AMER1: variants seen among roughly 807,000 people sequenced by gnomAD.
AMER1 encodes the protein APC membrane recruitment protein 1.
In AMER1, 16 loss-of-function variants were observed where a neutral mutation model predicts 53.0. That is an observed-to-expected ratio of 0.30 (90% CI 0.20 to 0.46). The LOEUF is 0.46. Among genes scored for constraint, AMER1 ranks in the 20% least tolerant of loss-of-function variants. The pLI is 1.00. For missense variants in AMER1, 947 were observed against 884.9 expected (o/e 1.07, Z -0.89); for synonymous variants, 354 against 331.9 (o/e 1.07, Z -0.73).
At chrX:64,204,818 G>T (rs1365709845) in intron 1 of AMER1, among the ~76,000 whole-genome samples, 6 of 113,530 alleles carry the variant, frequency 5.3e-5, no homozygotes, top group African/African-American at 1.9e-4. Context: ...TCTAACCCAA[G>T]GACCAGCAAG....
chrX:64,197,698 G>A (rs762183697), intron 1 of AMER1, among the ~76,000 whole-genome samples: 6 of 112,459 alleles, frequency 5.3e-5, no homozygotes, highest in African/African-American at 1.9e-4. Context: ...ATGTTGGGGA[G>A]GGTTGGTTAA....
At chrX:64,196,193 A>G (rs1930363831) in intron 1 of AMER1, among the ~76,000 whole-genome samples, 1 of 111,631 alleles carries the variant, frequency 9.0e-6, no homozygotes, top group African/African-American at 3.3e-5. Context: ...TGTGTTGTGG[A>G]AGGAGCCATG....
rs1485276533 is a variant in AMER1 at position 64,189,635 on chromosome X, G to A, written c.*244C>T. The A allele has an allele frequency of 3.3e-5, 32 of 972,270 alleles. No individual in the cohort carries two copies. The highest frequency in any genetic ancestry group is 4.0e-5 in the East Asian group (1 of 24,933). The allele number at this position is 972,270 out of a possible 1,213,427, so 80.1% of individuals were successfully genotyped here. The stretch of plus-strand genomic sequence containing the variant: ...AGCGTGGGTCACAAGAAGAAACCTC[G>A]AAAGCAAAAACTGGAGTGCAGTAGC... On this transcript the variant is annotated 3_prime_UTR_variant, in exon 2 of 2. Coordinates refer to ENST00000374869, the MANE Select transcript of AMER1 (RefSeq NM_152424.4).
rs879051904 is a variant in AMER1 at position 64,185,688 on chromosome X, G to T, written c.*4191C>A. ...AGCAGGGCAGGGGAGGGGGAATGGT[G>T]GTAGGGGAGGAGATTCCCCCAAAGC... is the stretch of plus-strand genomic sequence containing the variant. On this transcript the variant is annotated 3_prime_UTR_variant, in exon 2 of 2. Transcript: ENST00000374869. The T allele has an allele frequency of 2.3e-5, 4 of 176,931 alleles. No homozygotes were observed. Among genetic ancestry groups the T allele is most frequent in the African/African-American group, 1.2e-4 (4 of 33,397 alleles). The allele number at this position is 176,931 out of a possible 1,213,427, so 14.6% of individuals were successfully genotyped here.
Position 64,189,793 on chromosome X carries a change from A to AGGGGGGGGGGGGGGG in AMER1, c.*85_*86insCCCCCCCCCCCCCCC. 3.4e-6 allele frequency: 1 copy of AGGGGGGGGGGGGGGG among 292,074 alleles called. No individual in the cohort carries two copies. The highest frequency in any genetic ancestry group is 4.9e-6 in the Non-Finnish European group (1 of 204,832). The allele number at this position is 292,074 out of a possible 1,213,427, so 24.1% of individuals were successfully genotyped here. Reference sequence around the variant, plus strand: ...CAAAGGGTTTTCAAGTTAAACAACAACCCCCACCCCCCCACCCTTCTGCCC... The same window carrying AGGGGGGGGGGGGGGG: ...CAAAGGGTTTTCAAGTTAAACAACAAGGGGGGGGGGGGGGGCCCCCACCCCCCCACCCTTCTGCCC... On this transcript the variant is annotated 3_prime_UTR_variant, in exon 2 of 2. Transcript: ENST00000374869.
intron 1 of AMER1, among the ~76,000 whole-genome samples, chrX:64,203,719 G>A (rs1030090210): frequency 1.8e-5 from 2 of 111,564 alleles, no homozygotes; most frequent in Non-Finnish European, 3.8e-5. Flanking sequence ...ATTTGGACAG[G>A]TGTAGGCTGA....
chrX:64,201,001 G>C (rs1391504816), intron 1 of AMER1, among the ~76,000 whole-genome samples: 2 of 111,227 alleles, frequency 1.8e-5, no homozygotes, highest in Non-Finnish European at 3.8e-5. Flanking sequence ...GTATCCACTT[G>C]GAAGCCCAGC....
chrX:64,189,793 A>ACCGGGCCCC lies in AMER1; in HGVS notation c.*85_*86insGGGGCCCGG. On this transcript the variant is annotated 3_prime_UTR_variant, in exon 2 of 2. Coordinates refer to ENST00000374869, the MANE Select transcript of AMER1 (RefSeq NM_152424.4). Reference sequence around the variant, plus strand: ...CAAAGGGTTTTCAAGTTAAACAACAACCCCCACCCCCCCACCCTTCTGCCC... The same window carrying ACCGGGCCCC: ...CAAAGGGTTTTCAAGTTAAACAACAACCGGGCCCCCCCCCACCCCCCCACCCTTCTGCCC... 1.0e-5 allele frequency: 3 copies of ACCGGGCCCC among 292,072 alleles called. No individual in the cohort carries two copies. Among genetic ancestry groups the ACCGGGCCCC allele is most frequent in the Non-Finnish European group, 1.5e-5 (3 of 204,831 alleles). 24.1% of individuals were successfully genotyped at this position (292,072 alleles called of 1,213,427 possible).
Position 64,189,866 on chromosome X carries a change from G to T in AMER1, c.*13C>A. On this transcript the variant is annotated 3_prime_UTR_variant, in exon 2 of 2. Transcript: ENST00000374869. The stretch of plus-strand genomic sequence containing the variant: ...GCTCAGGCCCCGTGTCCCTACTCCA[G>T]AATTGATAATAACTACTTGGCTAGG... 1 of 1,002,964 alleles carries T rather than the reference G, an allele frequency of 1.0e-6. No homozygotes were observed. The highest frequency in any genetic ancestry group is 1.3e-6 in the Non-Finnish European group (1 of 774,278). The allele number at this position is 1,002,964 out of a possible 1,213,427, so 82.7% of individuals were successfully genotyped here.
chrX:64,187,026 T>C lies in AMER1; in HGVS notation c.*2853A>G. Reference sequence around the variant, plus strand: ...GGACCTTGCAATGGAGACATGTTGTTCATCTAGTAGTACTCTTGGAGGTGT... The same window carrying C: ...GGACCTTGCAATGGAGACATGTTGTCCATCTAGTAGTACTCTTGGAGGTGT... On this transcript the variant is annotated 3_prime_UTR_variant, in exon 2 of 2. Transcript: ENST00000374869. The C allele has an allele frequency of 1.3e-6, 1 of 779,174 alleles. No homozygotes were observed. Among genetic ancestry groups the C allele is most frequent in the Non-Finnish European group, 1.5e-6 (1 of 653,894 alleles). The allele number at this position is 779,174 out of a possible 1,213,427, so 64.2% of individuals were successfully genotyped here.
rs2147084665 is a variant in AMER1 at position 64,190,236 on chromosome X, C to T, written c.3051G>A (p.Gly1017=). 1 of 1,211,539 alleles carries T rather than the reference C, an allele frequency of 8.3e-7. No individual in the cohort carries two copies. Among genetic ancestry groups the T allele is most frequent in the Non-Finnish European group, 1.1e-6 (1 of 895,364 alleles). The change falls in exon 2 of 2, where the codon GGG becomes GGA. Residue 1017 remains glycine (G), a synonymous_variant. Transcript: ENST00000374869. ...VPESRAPGES[G]PQLARPSHLH... is the part of the protein sequence containing the mutation. Reference sequence around the variant, plus strand: ...GGTGTGAGGGACGAGCTAGTTGAGGCCCAGATTCCCCAGGTGCCCTTGACT... The same window carrying T: ...GGTGTGAGGGACGAGCTAGTTGAGGTCCAGATTCCCCAGGTGCCCTTGACT...
intron 1 of AMER1, among the ~76,000 whole-genome samples, chrX:64,204,887 GC>G (rs917528122): frequency 1.8e-5 from 2 of 113,403 alleles, no homozygotes; most frequent in African/African-American, 6.4e-5. Flanking sequence ...GCGCCCGGAG[GC>G]CCAGGAGGAG....
rs200923986 is a variant in AMER1, at chrX:64,189,860, A to G, written c.*19T>C. The G allele has an allele frequency of 1.4e-5, 14 of 1,007,868 alleles. No homozygotes were observed. In the East Asian group the frequency reaches 1.8e-4, roughly 13 times the overall value. 83.1% of individuals were successfully genotyped at this position (1,007,868 alleles called of 1,213,427 possible). On this transcript the variant is annotated 3_prime_UTR_variant, in exon 2 of 2. Transcript: ENST00000374869. ...TCACATGCTCAGGCCCCGTGTCCCT[A>G]CTCCAGAATTGATAATAACTACTTG...
Position 64,189,283 on chromosome X carries a change from G to A in AMER1, c.*596C>T, listed in dbSNP as rs1930173906. The A allele has an allele frequency of 1.3e-6, 1 of 789,432 alleles. No individual in the cohort carries two copies. The highest frequency in any genetic ancestry group is 8.3e-5 in the Admixed American group (1 of 11,985). The allele number at this position is 789,432 out of a possible 1,213,427, so 65.1% of individuals were successfully genotyped here. On this transcript the variant is annotated 3_prime_UTR_variant, in exon 2 of 2. Transcript: ENST00000374869. ...CCAGGCCAAAAGGAATAGGGGTGGG[G>A]AGGATCTGTACCATAATTTCACATT...
In AMER1 at chrX:64,187,066, C is replaced by G; in HGVS notation, c.*2813G>C. The G allele has an allele frequency of 1.3e-6, 1 of 782,222 alleles. No individual in the cohort carries two copies. Among genetic ancestry groups the G allele is most frequent in the Non-Finnish European group, 1.5e-6 (1 of 656,021 alleles). 64.5% of individuals were successfully genotyped at this position (782,222 alleles called of 1,213,427 possible). On this transcript the variant is annotated 3_prime_UTR_variant, in exon 2 of 2. Coordinates refer to ENST00000374869, the MANE Select transcript of AMER1 (RefSeq NM_152424.4). ...CTTGGAGGTGTGGACATGATATCAA[C>G]AGTTTTAGTGGTCTGGGGTGTATTT... is the stretch of plus-strand genomic sequence containing the variant.
In AMER1 at chrX:64,201,448, A is replaced by AACACACACAC. The variant is rs532857666; in HGVS notation, c.-99+4112_-99+4121dup. Reference sequence around the variant, plus strand: ...CCAGCTGCTCGCAACTCCTTCCCCCAACACACACACACACACACACACACA... The same window carrying AACACACACAC: ...CCAGCTGCTCGCAACTCCTTCCCCCAACACACACACACACACACACACACACACACACACA... On this transcript the variant is annotated intron_variant, in intron 1 of 1. Coordinates refer to ENST00000374869, the MANE Select transcript of AMER1 (RefSeq NM_152424.4). Among the ~76,000 whole-genome samples the AACACACACAC allele has an allele frequency of 1.0e-2, 828 of 83,099 alleles. 23 individuals carry two copies. The highest frequency in any genetic ancestry group is 0.034 in the African/African-American group (771 of 22,697). The allele number at this position is 83,099 out of a possible 115,157, so 72.2% of individuals were successfully genotyped here.
rs2147090129 is a variant in AMER1, at chrX:64,192,655, G to T, written c.632C>A (p.Ala211Asp). The change falls in exon 2 of 2, where the codon GCC becomes GAC. Residue 211 changes from alanine to aspartate, a missense_variant. Transcript: ENST00000374869. Reference sequence around the variant, plus strand: ...CTCCTCAAAGCAGGGCACCTGAGGGGCTGAGCTCACGTGCTCATGAGGCCT... The same window carrying T: ...CTCCTCAAAGCAGGGCACCTGAGGGTCTGAGCTCACGTGCTCATGAGGCCT... Reference protein sequence around the residue: ...RARPHEHVSSAPQVPCFEETF... With the variant: ...RARPHEHVSSDPQVPCFEETF... The T allele has an allele frequency of 2.6e-6, 3 of 1,166,945 alleles. No individual in the cohort carries two copies. The highest frequency in any genetic ancestry group is 3.4e-6 in the Non-Finnish European group (3 of 876,270).
rs1930187837 is a variant in AMER1, at chrX:64,189,523, T to TATATATATAC, written c.*355_*356insGTATATATAT. 2.8e-5 allele frequency: 2 copies of TATATATATAC among 71,671 alleles called. No homozygotes were observed. Among genetic ancestry groups the TATATATATAC allele is most frequent in the Non-Finnish European group, 3.9e-5 (2 of 51,059 alleles). The allele number at this position is 71,671 out of a possible 1,213,427, so 5.9% of individuals were successfully genotyped here. A position where few individuals can be genotyped will look rare whatever the true frequency, so the allele number is the denominator to read the frequency against. On this transcript the variant is annotated 3_prime_UTR_variant, in exon 2 of 2. Coordinates refer to ENST00000374869, the MANE Select transcript of AMER1 (RefSeq NM_152424.4). Reference sequence around the variant, plus strand: ...GTGTGTGTGTGTGTGTGTATATATATATATATATATATATATATATATATA... The same window carrying TATATATATAC: ...GTGTGTGTGTGTGTGTGTATATATATATATATATACATATATATATATATATATATATATA...
rs1000983513 is a variant in AMER1, at chrX:64,186,286, A to G, written c.*3593T>C. On this transcript the variant is annotated 3_prime_UTR_variant, in exon 2 of 2. Coordinates refer to ENST00000374869, the MANE Select transcript of AMER1 (RefSeq NM_152424.4). ...TGAGATGCCAGCCCTCTGCACAAGC[A>G]GCAGCAATTTTTGTGTCATCTTTGT... 14 of 1,052,868 alleles carry G rather than the reference A, an allele frequency of 1.3e-5. No homozygotes were observed. In the Admixed American group the frequency reaches 3.5e-4, roughly 26 times the overall value. 86.8% of individuals were successfully genotyped at this position (1,052,868 alleles called of 1,213,427 possible).
Sources: gnomAD v4.1 joint callset for allele counts (sites outside exome capture counted in the v4.1 genomes callset) on GRCh38, gnomAD v4.1.1 for gene constraint, MANE v1.5 for transcripts, NCBI Gene and HGNC (gene_info 2026-07-23, HGNC 2026-07-21) for gene names.